Variants in DNAH5 observed in about 807,000 individuals in gnomAD.
The protein encoded by DNAH5 is axonemal beta dynein heavy chain 5.
Under a neutral mutation model 518.2 loss-of-function variants are expected in DNAH5, and 372 were observed. That is an observed-to-expected ratio of 0.72 (90% CI 0.66 to 0.78). The LOEUF is 0.78. Ranked by LOEUF, DNAH5 falls within the 30% of genes least tolerant of loss-of-function variation. The pLI is 0.00. For synonymous variants in DNAH5, 2,039 were observed against 2,025.9 expected, an observed-to-expected ratio of 1.01 and a Z score of -0.17; for missense variants, 5,523 against 5,687.0, an observed-to-expected ratio of 0.97 and a Z score of 0.93.
chr5:13,746,290 C>T (rs978321539), intron 65 of DNAH5, among the ~76,000 whole-genome samples: 1 of 152,104 alleles, frequency 6.6e-6, no homozygotes, highest in Non-Finnish European at 1.5e-5. Flanking sequence ...TGTGCTCAGT[C>T]TCTAATCATG....
chr5:13,807,682 A>G lies in DNAH5; in HGVS notation c.7796T>C (p.Ile2599Thr). The part of the protein sequence containing the change: ...IGEQGTAKTV[I>T]IKGFMSKYDP... ...ATATTTTGACATAAATCCTTTAATT[A>G]TTACTGTTTTGGCTGTTCCTTGTTC... The change falls in exon 47 of 79, where the codon ATA (isoleucine) becomes ACA (threonine). Residue 2599 changes from isoleucine to threonine, a missense_variant. Ile to Thr is a moderately conservative substitution (Grantham distance 89). Transcript: ENST00000265104. 1.9e-6 allele frequency: 3 copies of G among 1,610,002 alleles called. No individual in the cohort carries two copies. Among genetic ancestry groups the G allele is most frequent in the Non-Finnish European group, 2.5e-6 (3 of 1,177,336 alleles).
At chr5:13,883,324 T>C (rs917819585) in intron 19 of DNAH5, among the ~76,000 whole-genome samples, 3 of 152,048 alleles carry the variant, frequency 2.0e-5, no homozygotes, top group Non-Finnish European at 2.9e-5. Flanking sequence ...CTTGGAATAC[T>C]CTCCACAATG....
chr5:13,860,691 T>C (rs1232904822), intron 29 of DNAH5: 1 of 152,188 alleles, frequency 6.6e-6, no homozygotes, highest in Non-Finnish European at 1.5e-5. Context: ...ACCACCTACA[T>C]TAGGAATTCT....
chr5:13,951,167 T>TTCATATACTC (rs971739341), intron 1 of DNAH5, among the ~76,000 whole-genome samples: 4 of 151,186 alleles, frequency 2.6e-5, no homozygotes, highest in Admixed American at 2.6e-4. Context: ...AGTAACAATA[T>TTCATATACTC]TCATATACTC....
intron 44 of DNAH5, among the ~76,000 whole-genome samples, chr5:13,811,078 T>A (rs758045107): frequency 8.6e-5 from 13 of 151,954 alleles, no homozygotes; most frequent in Non-Finnish European, 1.3e-4. Flanking sequence ...TACCAGAGGC[T>A]AGGAAGGGGA....
At position 13,979,594 on chromosome 5, in the gene DNAH5, T is replaced by C. The variant is rs544002408; in HGVS notation, c.12+32054A>G. ...TTCTCATCAAAATGCCTCTAAACAATGGTTTCTATGACTTCCATTGCATTC... is the reference window on the plus strand; with the variant it reads ...TTCTCATCAAAATGCCTCTAAACAACGGTTTCTATGACTTCCATTGCATTC... On this transcript the variant is annotated intron_variant, in intron 1 of 78. Transcript: ENST00000681290. Among the ~76,000 whole-genome samples, 26 of 152,238 alleles carry C rather than the reference T, an allele frequency of 1.7e-4. No individual in the cohort carries two copies. The South Asian group carries it at 4.1e-3, about 24-fold the overall frequency.
At chr5:13,790,385 A>G (rs1333927276) in intron 50 of DNAH5, among the ~76,000 whole-genome samples, 1 of 152,224 alleles carries the variant, frequency 6.6e-6, no homozygotes, top group Admixed American at 6.5e-5. Context: ...GAATGAGATC[A>G]TGTCTTTCAT....
rs753687076 is a variant in DNAH5, at chr5:13,871,603, G to C, written c.3559C>G (p.Pro1187Ala). The C allele has an allele frequency of 3.1e-6, 5 of 1,613,500 alleles. No homozygotes were observed. The African/African-American group carries it at 4.0e-5, about 13-fold the overall frequency. ...QNLEQEINAE[P>A]EYVCVGSIAL... ...ATGGAACCCACACAGACATATTCAG[G>C]CTCAGCATTAATTTCCTGCTCTAGG... The change falls in exon 23 of 79, where the codon CCT becomes GCT. Residue 1187 changes from proline (P) to alanine (A), a missense_variant. Transcript: ENST00000265104.
chr5:13,939,783 A>T (rs1349498280), intron 1 of DNAH5, among the ~76,000 whole-genome samples: 1 of 152,186 alleles, frequency 6.6e-6, no homozygotes, highest in Non-Finnish European at 1.5e-5. Context: ...ACAGCTGCAG[A>T]GGAAGCACGG....
intron 15 of DNAH5, chr5:13,898,592 T>C (rs1004738162): frequency 5.0e-6 from 2 of 398,592 alleles, no homozygotes; most frequent in Non-Finnish European, 8.8e-6. Flanking sequence ...ATGAGACCTT[T>C]GCTAAATCTT....
intron 61 of DNAH5, 121 bp downstream of exon 61, chr5:13,758,725 T>C: frequency 7.1e-7 from 1 of 1,401,362 alleles, no homozygotes; most frequent in Non-Finnish European, 1.0e-6. Flanking sequence ...ACCCTTGGTG[T>C]CCATTATGTG....
chr5:13,949,016 C>A (rs1379167764), upstream of DNAH5, among the ~76,000 whole-genome samples: 3 of 151,948 alleles, frequency 2.0e-5, no homozygotes, highest in African/African-American at 7.3e-5. Context: ...ATAGAACACA[C>A]CAGAAAGAAA....
At position 13,882,810 on chromosome 5, in the gene DNAH5, C is replaced by G; in HGVS notation, c.3180G>C (p.Lys1060Asn). 6.2e-7 allele frequency: 1 copy of G among 1,613,996 alleles called. No homozygotes were observed. The highest frequency in any genetic ancestry group is 8.5e-7 in the Non-Finnish European group (1 of 1,179,892). Residue 1060 changes from lysine to asparagine, a missense_variant, in exon 21 of 79, where the codon AAG (lysine) becomes AAC (asparagine). Physicochemically the swap from Lys to Asn is moderately conservative, Grantham distance 94. Around this residue, in one of 3 missense-constraint regions of DNAH5, gnomAD observed 5,121 missense variants for 5,223.3 expected, o/e 0.98. Transcript: ENST00000265104. The stretch of plus-strand genomic sequence containing the variant: ...AAGCAGCCATTTTTCTTTCTTGTAT[C>G]TTTTTCTACAATGTAAAAGGATATT... ...QWSSELLSKK[K>N]IQERKMAALQ...
At chr5:13,840,861 G>C (rs1765056623) in intron 34 of DNAH5, 45 bp downstream of exon 34, 1 of 1,500,920 alleles carries the variant, frequency 6.7e-7, no homozygotes, top group African/African-American at 1.4e-5. Flanking sequence ...ATAGTGTCTA[G>C]AATTTGTTTT....
chr5:13,891,054 T>C lies in DNAH5; in HGVS notation c.2499A>G (p.Glu833=), dbSNP rs369887785. The change falls in exon 17 of 79, where the codon GAA becomes GAG. Residue 833 remains glutamate, a synonymous_variant. Coordinates refer to ENST00000265104, the MANE Select transcript of DNAH5 (RefSeq NM_001369.3). The part of the protein sequence containing the change: ...LIEFRIDAIL[E]EMSSTPLCQL... ...GACAAAGAGGCGTGCTGCTCATTTC[T>C]TCTAGAATGGCATCAATGCGGAACT... The C allele has an allele frequency of 4.2e-5, 68 of 1,614,046 alleles. No homozygotes were observed. The highest frequency in any genetic ancestry group is 4.9e-5 in the Non-Finnish European group (58 of 1,180,020).
At chr5:13,987,221 T>C (rs901603124) in intron 1 of DNAH5, among the ~76,000 whole-genome samples, 10 of 152,010 alleles carry the variant, frequency 6.6e-5, no homozygotes, top group Admixed American at 6.6e-4. Flanking sequence ...CCCTCATAAA[T>C]TTCATAACAC....
At chr5:13,951,241 G>T (rs1780385570) in intron 1 of DNAH5, among the ~76,000 whole-genome samples, 1 of 94,808 alleles carries the variant, frequency 1.1e-5, no homozygotes, top group African/African-American at 4.1e-5. Context: ...TTTTGAAGCA[G>T]GGTCTTGCTC....
chr5:13,913,126 G>T (rs1776220096), intron 11 of DNAH5, among the ~76,000 whole-genome samples: 1 of 151,922 alleles, frequency 6.6e-6, no homozygotes, highest in Admixed American at 6.6e-5. Flanking sequence ...GAAAAAAATT[G>T]ACTATGTCCA....
intron 1 of DNAH5, among the ~76,000 whole-genome samples, chr5:14,005,304 G>A (rs113234409): frequency 6.2e-4 from 94 of 152,252 alleles, no homozygotes; most frequent in Non-Finnish European, 1.0e-3. Context: ...ACAGTCCAGC[G>A]AATGCTTCCA....
Sources: allele counts gnomAD v4.1 joint callset (sites outside exome capture counted in the v4.1 genomes callset), GRCh38; gene constraint gnomAD v4.1.1; regional missense constraint gnomAD v4.1.1; transcripts MANE v1.5; gene names NCBI Gene and HGNC (gene_info 2026-07-23, HGNC 2026-07-21).